CDC73: variants seen among roughly 807,000 people sequenced by gnomAD.
CDC73 encodes cell division cycle 73.
CDC73 carries 21 observed loss-of-function variants against 83.7 expected under a neutral mutation model. That is an observed-to-expected ratio of 0.25 (90% CI 0.18 to 0.36). The LOEUF (loss-of-function observed/expected upper bound fraction) is 0.36. Among genes scored for constraint, CDC73 ranks in the 10% least tolerant of loss-of-function variants. The pLI is 1.00. For missense variants in CDC73, 342 were observed against 653.3 expected (o/e 0.52, Z 5.19); for synonymous variants, 224 against 212.9 (o/e 1.05, Z -0.45).
intron 10 of CDC73, among the ~76,000 whole-genome samples, chr1:193,166,056 C>T (rs921287767): frequency 8.5e-5 from 13 of 152,086 alleles, no homozygotes; most frequent in African/African-American, 2.9e-4. Flanking sequence ...AAGCTGAACT[C>T]TTAGAAACTT....
intron 13 of CDC73, among the ~76,000 whole-genome samples, chr1:193,220,157 CTTTTTTT>C (rs776793164): frequency 2.1e-4 from 23 of 108,790 alleles, no homozygotes; most frequent in African/African-American, 6.4e-4. Flanking sequence ...ACAATGATAA[CTTTTTTT>C]TTTTTTTTTT....
chr1:193,181,535 A>G (rs1222040877), intron 10 of CDC73: 5 of 1,603,696 alleles, frequency 3.1e-6, no homozygotes, highest in Non-Finnish European at 4.3e-6. Context: ...TTTGCAAAGC[A>G]GCAGTGTCTT....
At chr1:193,232,021 C>T (rs1677670639) in intron 13 of CDC73, among the ~76,000 whole-genome samples, 1 of 152,002 alleles carries the variant, frequency 6.6e-6, no homozygotes, top group Non-Finnish European at 1.5e-5. Flanking sequence ...TGAACACTAG[C>T]AAATTTTACA....
At position 193,139,290 on chromosome 1, in the gene CDC73, G is replaced by A. The variant is rs1487237959; in HGVS notation, c.512+1117G>A. Among the ~76,000 whole-genome samples the A allele has an allele frequency of 2.6e-5, 4 of 151,040 alleles. No homozygotes were observed. In the South Asian group the frequency reaches 8.3e-4, roughly 31 times the overall value. On this transcript the variant is annotated intron_variant, in intron 6 of 16. Transcript: ENST00000367435. The stretch of plus-strand genomic sequence containing the variant: ...TTTTGCTCTTTTTTTTTTTGAGACG[G>A]AGTTTCGCTCTTGTGACCCAGGCTG...
intron 10 of CDC73, 97 bp from the exon 11 acceptor site, chr1:193,203,698 C>A (rs988158282): frequency 1.0e-6 from 1 of 996,756 alleles, no homozygotes; most frequent in Non-Finnish European, 1.6e-6. Context: ...AAAAACAGAA[C>A]AAGAGACAGA....
chr1:193,159,846 C>T (rs908683818), intron 10 of CDC73, among the ~76,000 whole-genome samples: 2 of 152,100 alleles, frequency 1.3e-5, no homozygotes, highest in Admixed American at 6.6e-5. Context: ...TAAATCATTT[C>T]ATGCCTTCCT....
chr1:193,190,471 A>C (rs1421617086), intron 10 of CDC73, among the ~76,000 whole-genome samples: 1 of 152,238 alleles, frequency 6.6e-6, no homozygotes, highest in Non-Finnish European at 1.5e-5. Context: ...TGGATGATTT[A>C]TGAACCAGCT....
intron 10 of CDC73, among the ~76,000 whole-genome samples, chr1:193,203,333 T>TC (rs555438091): frequency 1.1e-4 from 16 of 152,286 alleles, no homozygotes; most frequent in African/African-American, 3.8e-4. Context: ...ATTTAATTAT[T>TC]TGAAATGTTT....
chr1:193,217,374 A>G (rs1373828868), intron 13 of CDC73, among the ~76,000 whole-genome samples: 1 of 152,024 alleles, frequency 6.6e-6, no homozygotes, highest in Non-Finnish European at 1.5e-5. Flanking sequence ...GTCTTGGTGT[A>G]CTGGAAGAAT....
chr1:193,129,860 A>G (rs2103117510), intron 2 of CDC73, among the ~76,000 whole-genome samples: 1 of 152,300 alleles, frequency 6.6e-6, no homozygotes, highest in Middle Eastern at 3.4e-3. Flanking sequence ...CAGGATTTTT[A>G]TTAGGTTCTT....
intron 11 of CDC73, among the ~76,000 whole-genome samples, chr1:193,207,102 T>C (rs1169695881): frequency 6.6e-6 from 1 of 152,160 alleles, no homozygotes; most frequent in African/African-American, 2.4e-5. Flanking sequence ...ATTTTACAGC[T>C]GGGCCTCCAG....
intron 15 of CDC73, among the ~76,000 whole-genome samples, chr1:193,245,029 A>G (rs890817383): frequency 2.0e-5 from 3 of 152,246 alleles, no homozygotes; most frequent in African/African-American, 4.8e-5. Flanking sequence ...AAATTGCCAT[A>G]TAATTGTACA....
intron 10 of CDC73, chr1:193,180,859 A>G (rs1390669427): frequency 1.2e-6 from 2 of 1,613,934 alleles, no homozygotes; most frequent in Non-Finnish European, 1.7e-6. Flanking sequence ...AACCCAGTTC[A>G]TGCCCATTAG....
intron 10 of CDC73, among the ~76,000 whole-genome samples, chr1:193,174,038 A>T (rs1206433070): frequency 2.6e-5 from 4 of 152,188 alleles, no homozygotes; most frequent in South Asian, 4.1e-4. Context: ...TAAGAGATTA[A>T]TGAAAATAAA....
chr1:193,228,032 G>T (rs1645864353), intron 13 of CDC73, among the ~76,000 whole-genome samples: 1 of 152,066 alleles, frequency 6.6e-6, no homozygotes, highest in Non-Finnish European at 1.5e-5. Context: ...GTTGACCTAG[G>T]GTAGCTGAAT....
chr1:193,178,503 GCA>G (rs147986107), intron 10 of CDC73, among the ~76,000 whole-genome samples: 1 of 151,862 alleles, frequency 6.6e-6, no homozygotes, highest in African/African-American at 2.4e-5. Flanking sequence ...ACCTGTGTAT[GCA>G]CACACACACA....
intron 13 of CDC73, among the ~76,000 whole-genome samples, chr1:193,224,795 A>G (rs1241441869): frequency 1.3e-5 from 2 of 152,120 alleles, no homozygotes; most frequent in Non-Finnish European, 2.9e-5. Flanking sequence ...TTTTAGCTCA[A>G]CCAATGTTTG....
chr1:193,153,730 T>G (rs928152438), intron 10 of CDC73, among the ~76,000 whole-genome samples: 1 of 152,236 alleles, frequency 6.6e-6, no homozygotes, highest in Admixed American at 6.5e-5. Context: ...TATTAAATTA[T>G]GTGTAGATTA....
chr1:193,208,459 C>G (rs1677224920), intron 11 of CDC73, among the ~76,000 whole-genome samples: 1 of 152,156 alleles, frequency 6.6e-6, no homozygotes, highest in Non-Finnish European at 1.5e-5. Flanking sequence ...ATTCAGTTGG[C>G]TTTGAATTGG....
Sources: gnomAD v4.1 joint callset for allele counts (sites outside exome capture counted in the v4.1 genomes callset) on GRCh38, gnomAD v4.1.1 for gene constraint, MANE v1.5 for transcripts, NCBI Gene and HGNC (gene_info 2026-07-23, HGNC 2026-07-21) for gene names.